The following ALPK2 variants were observed in gnomAD, a reference collection of about 807,000 sequenced individuals.
ALPK2 encodes the protein alpha-protein kinase 2.
A neutral mutation model predicts 163.1 loss-of-function variants in ALPK2; 127 were observed. The ratio of observed to expected loss-of-function variants is 0.78; its 90% CI spans 0.67 to 0.90. The LOEUF is 0.90. Ranked by LOEUF, ALPK2 falls within the 40% of genes least tolerant of loss-of-function variation. The pLI, the probability that ALPK2 is intolerant of heterozygous loss-of-function variation, is 0.00. For missense variants in ALPK2, 2,360 were observed against 2,589.6 expected, an observed-to-expected ratio of 0.91 and a Z score of 1.92; for synonymous variants, 953 against 959.1, an observed-to-expected ratio of 0.99 and a Z score of 0.12.
chr18:58,617,752 T>G (rs1048925454), intron 1 of ALPK2, among the ~76,000 whole-genome samples: 26 of 152,260 alleles, frequency 1.7e-4, no homozygotes, highest in Admixed American at 1.5e-3. Context: ...TGGTACATGC[T>G]TTGTTGACAG....
Position 58,535,173 on chromosome 18 carries a change from G to A in ALPK2, c.5014C>T (p.Pro1672Ser). ...CAGCCCAGGGTGCCCTTTTGACATG[G>A]ATCCTGCAGTAATTTAGGGGCTTTC... ...LEKAPKLLQD[P>S]CQKGTLGCAK... Residue 1672 changes from proline (P) to serine (S), a missense_variant, in exon 5 of 13, where the codon CCA becomes TCA. By Grantham distance (74) the Pro-to-Ser change is moderately conservative. Transcript: ENST00000361673. 6.2e-7 allele frequency: 1 copy of A among 1,614,032 alleles called. No individual in the cohort carries two copies. Among genetic ancestry groups the A allele is most frequent in the Non-Finnish European group, 8.5e-7 (1 of 1,180,010 alleles).
chr18:58,486,617 C>T (rs987502446), intron 12 of ALPK2, among the ~76,000 whole-genome samples: 2 of 152,230 alleles, frequency 1.3e-5, no homozygotes, highest in African/African-American at 4.8e-5. Context: ...TTTCGACCCT[C>T]AACTTGGCCT....
At chr18:58,603,824 T>A (rs902211885) in intron 3 of ALPK2, among the ~76,000 whole-genome samples, 2 of 151,938 alleles carry the variant, frequency 1.3e-5, no homozygotes, top group African/African-American at 4.8e-5. Context: ...AAAAAAAAAA[T>A]TCTATTTCAA....
At chr18:58,548,988 C>G (rs141952905) in intron 4 of ALPK2, among the ~76,000 whole-genome samples, 1 of 152,174 alleles carries the variant, frequency 6.6e-6, no homozygotes, top group South Asian at 2.1e-4. Context: ...GAAAATTGCT[C>G]CAGGCTCCTG....
chr18:58,563,894 G>C (rs1427467472), intron 4 of ALPK2, among the ~76,000 whole-genome samples: 3 of 152,046 alleles, frequency 2.0e-5, no homozygotes, highest in African/African-American at 7.2e-5. Context: ...CATGTTAAAG[G>C]ATTAGTAAAT....
intron 4 of ALPK2, among the ~76,000 whole-genome samples, chr18:58,562,465 G>A (rs777300006): frequency 4.6e-5 from 7 of 152,268 alleles, no homozygotes; most frequent in South Asian, 2.1e-4. Context: ...AGTTGGTGTC[G>A]TGCCATAAGC....
chr18:58,576,339 T>A (rs2051921727), intron 4 of ALPK2, among the ~76,000 whole-genome samples: 1 of 152,076 alleles, frequency 6.6e-6, no homozygotes, highest in African/African-American at 2.4e-5. Flanking sequence ...GTACCATTGC[T>A]CCAGCCCAGG....
chr18:58,528,338 C>G (rs1171520972), intron 6 of ALPK2, among the ~76,000 whole-genome samples: 1 of 152,038 alleles, frequency 6.6e-6, no homozygotes, highest in Non-Finnish European at 1.5e-5. Flanking sequence ...TCAAGACCAG[C>G]CTGGGCAATG....
intron 2 of ALPK2, among the ~76,000 whole-genome samples, chr18:58,611,192 A>T (rs2052128660): frequency 6.6e-6 from 1 of 151,082 alleles, no homozygotes; most frequent in Non-Finnish European, 1.5e-5. Flanking sequence ...GCAGGAGAAT[A>T]GTTTGAACCC....
chr18:58,521,100 G>A (rs1409663993), intron 8 of ALPK2, among the ~76,000 whole-genome samples: 1 of 152,222 alleles, frequency 6.6e-6, no homozygotes, highest in Non-Finnish European at 1.5e-5. Context: ...TCCCCAGCCG[G>A]GTGAGTCAGT....
intron 4 of ALPK2, among the ~76,000 whole-genome samples, chr18:58,567,196 G>A (rs539583804): frequency 6.6e-6 from 1 of 151,458 alleles, no homozygotes; most frequent in East Asian, 1.9e-4. Flanking sequence ...GACCAGTGTG[G>A]CCAACATGAC....
chr18:58,532,286 T>C (rs1477706061), intron 5 of ALPK2, among the ~76,000 whole-genome samples: 2 of 152,194 alleles, frequency 1.3e-5, no homozygotes, highest in Admixed American at 6.5e-5. Context: ...GGTGCCAGTG[T>C]TCCAGAAACC....
intron 8 of ALPK2, among the ~76,000 whole-genome samples, chr18:58,521,517 G>A (rs948487177): frequency 1.2e-4 from 19 of 152,032 alleles, no homozygotes; most frequent in African/African-American, 3.4e-4. Context: ...CACTAAAGAC[G>A]GGTATTTAGC....
intron 4 of ALPK2, among the ~76,000 whole-genome samples, chr18:58,548,378 T>C (rs1332365388): frequency 6.6e-6 from 1 of 151,794 alleles, no homozygotes; most frequent in East Asian, 1.9e-4. Context: ...CATATCACAG[T>C]GGTGCGATCT....
chr18:58,582,778 T>G (rs2051965885), intron 3 of ALPK2, among the ~76,000 whole-genome samples: 1 of 151,864 alleles, frequency 6.6e-6, no homozygotes, highest in Non-Finnish European at 1.5e-5. Flanking sequence ...CCCAGAAAGA[T>G]GGGACATTTT....
In ALPK2 at chr18:58,534,695, C is replaced by T. The variant is rs946968200; in HGVS notation, c.5353+139G>A. 22 of 1,142,110 alleles carry T rather than the reference C, an allele frequency of 1.9e-5. No individual in the cohort carries two copies. In the Admixed American group the frequency reaches 2.4e-4, roughly 13 times the overall value. 70.7% of individuals were successfully genotyped at this position (1,142,110 alleles called of 1,614,324 possible). ...TGATTCTGATGCCACATGCTGAAGC[C>T]ACTTGGCCACAACCATAGCATCAAT... On this transcript the variant is annotated intron_variant, in intron 5 of 12. Transcript: ENST00000361673.
At chr18:58,561,804 T>C (rs1015200873) in intron 4 of ALPK2, among the ~76,000 whole-genome samples, 6 of 152,212 alleles carry the variant, frequency 3.9e-5, no homozygotes, top group African/African-American at 1.2e-4. Flanking sequence ...TCCCAGCTCA[T>C]GAAGTTCTCA....
chr18:58,526,201 G>A (rs1602201377), intron 6 of ALPK2, among the ~76,000 whole-genome samples: 1 of 152,318 alleles, frequency 6.6e-6, no homozygotes, highest in Non-Finnish European at 1.5e-5. Flanking sequence ...GATTAGCTGT[G>A]CAGACAAATG....
chr18:58,528,894 G>T, intron 6 of ALPK2, 197 bp downstream of exon 6: 1 of 653,350 alleles, frequency 1.5e-6, no homozygotes, highest in Non-Finnish European at 2.5e-6. Flanking sequence ...GCAAAACCTG[G>T]GCAAGAATCC....
Sources: gnomAD v4.1 joint callset for allele counts (sites outside exome capture counted in the v4.1 genomes callset) on GRCh38, gnomAD v4.1.1 for gene constraint, MANE v1.5 for transcripts, NCBI Gene and HGNC (gene_info 2026-07-23, HGNC 2026-07-21) for gene names.